Variants in PHF11 observed in about 807,000 individuals in gnomAD.
The protein encoded by PHF11 is PHD finger protein 11, also known as BRCA1 C-terminus-associated protein.
Under a neutral mutation model 40.5 loss-of-function variants are expected in PHF11, and 38 were observed. The observed-to-expected ratio is 0.94, with a 90% confidence interval of 0.72 to 1.23. The LOEUF (loss-of-function observed/expected upper bound fraction) is 1.23, where lower values mean the gene tolerates loss of function less well. Among genes scored for constraint, PHF11 ranks in the 50% most tolerant of loss-of-function variants. The probability of loss-of-function intolerance (pLI) is 0.00; values close to 1 mark genes in which losing one functional copy is unlikely to be tolerated. For missense variants in PHF11, 369 were observed against 392.4 expected (o/e 0.94, Z 0.50); for synonymous variants, 127 against 138.2 (o/e 0.92, Z 0.57).
intron 1 of PHF11, among the ~76,000 whole-genome samples, chr13:49,505,954 A>G (rs1479899152): frequency 1.3e-5 from 2 of 152,158 alleles, no homozygotes; most frequent in Non-Finnish European, 2.9e-5. Flanking sequence ...TAGATAATTA[A>G]CCAGAGCACT....
chr13:49,502,605 T>C (rs1347398451), intron 1 of PHF11, among the ~76,000 whole-genome samples: 1 of 152,240 alleles, frequency 6.6e-6, no homozygotes, highest in Non-Finnish European at 1.5e-5. Context: ...GATTGTGACC[T>C]TACTGCATGT....
chr13:49,513,668 A>G (rs1277329041), intron 3 of PHF11, among the ~76,000 whole-genome samples: 2 of 152,148 alleles, frequency 1.3e-5, no homozygotes, highest in African/African-American at 2.4e-5. Flanking sequence ...CATATACTTC[A>G]CCAGTAAAGT....
intron 9 of PHF11, among the ~76,000 whole-genome samples, chr13:49,528,083 C>T (rs9526569): frequency 0.61 from 92,761 of 151,960 alleles, 28,565 homozygotes; most frequent in East Asian, 0.8. Flanking sequence ...AACCAAAAGC[C>T]TTTATGTAAC....
At chr13:49,516,582 A>T (rs769374596) in intron 3 of PHF11, among the ~76,000 whole-genome samples, 27 of 150,874 alleles carry the variant, frequency 1.8e-4, no homozygotes, top group African/African-American at 6.4e-4. Flanking sequence ...AAATTTTTGT[A>T]TAGTAGGTTC....
At chr13:49,505,004 T>A (rs1442690324) in intron 1 of PHF11, among the ~76,000 whole-genome samples, 1 of 151,510 alleles carries the variant, frequency 6.6e-6, no homozygotes, top group East Asian at 1.9e-4. Flanking sequence ...GTTAAACAGA[T>A]GCTTGAAGGC....
chr13:49,525,785 CCAAA>C (rs966285677), intron 8 of PHF11: 23 of 456,252 alleles, frequency 5.0e-5, no homozygotes, highest in African/African-American at 1.0e-4. Context: ...CAAGCACTTC[CCAAA>C]CAGTGTGCCT....
chr13:49,500,593 G>C (rs1958886336), intron 1 of PHF11, among the ~76,000 whole-genome samples: 1 of 152,168 alleles, frequency 6.6e-6, no homozygotes, highest in African/African-American at 2.4e-5. Flanking sequence ...GATCAAAAGA[G>C]CTAGAAGAGC....
chr13:49,520,167 G>GCCT (rs1053841619), intron 4 of PHF11, among the ~76,000 whole-genome samples: 12 of 152,274 alleles, frequency 7.9e-5, no homozygotes, highest in Admixed American at 6.5e-4. Context: ...TCCTGCCTCA[G>GCCT]CCTCCTGAGT....
chr13:49,502,107 C>T (rs564296740), intron 1 of PHF11, among the ~76,000 whole-genome samples: 244 of 152,170 alleles, frequency 1.6e-3, no homozygotes, highest in African/African-American at 5.7e-3. Flanking sequence ...CGAAACCATC[C>T]TGGACAACAT....
Position 49,498,955 on chromosome 13 carries a change from G to A in PHF11, c.94+2860G>A, listed in dbSNP as rs563024420. Among the ~76,000 whole-genome samples the A allele has an allele frequency of 2.0e-3, 311 of 152,308 alleles. 2 individuals are homozygous for A. The highest frequency in any genetic ancestry group is 4.0e-3 in the Non-Finnish European group (269 of 68,022). Reference sequence around the variant, plus strand: ...AATTTGATGTAATTTAAGCATGAGGGATGCTTAGTAGTAGTAAGCAGGAAA... The same window carrying A: ...AATTTGATGTAATTTAAGCATGAGGAATGCTTAGTAGTAGTAAGCAGGAAA... On this transcript the variant is annotated intron_variant, in intron 1 of 9. Coordinates refer to ENST00000378319, the MANE Select transcript of PHF11 (RefSeq NM_001040443.3).
intron 3 of PHF11, among the ~76,000 whole-genome samples, chr13:49,514,741 G>C (rs1054662653): frequency 2.0e-5 from 3 of 146,750 alleles, no homozygotes; most frequent in Non-Finnish European, 4.5e-5. Context: ...CTGGGCAACA[G>C]AGTGAGACTC....
intron 1 of PHF11, among the ~76,000 whole-genome samples, chr13:49,501,619 G>A (rs1205847834): frequency 1.3e-5 from 2 of 152,176 alleles, no homozygotes; most frequent in Non-Finnish European, 2.9e-5. Context: ...ATGAATATAA[G>A]TTAGATTCCC....
intron 8 of PHF11, among the ~76,000 whole-genome samples, chr13:49,524,553 C>A (rs1474016723): frequency 6.6e-6 from 1 of 151,574 alleles, no homozygotes; most frequent in Non-Finnish European, 1.5e-5. Flanking sequence ...TGCCTCACTG[C>A]AGCCTCTGCC....
chr13:49,496,099 T>C lies in PHF11; in HGVS notation c.94+4T>C. On this transcript the variant is annotated splice_donor_region_variant and intron_variant, in intron 1 of 9. Transcript: ENST00000378319. The stretch of plus-strand genomic sequence containing the variant: ...GAGGCGCTCCTCCTTCCCACCGGTG[T>C]GTACCGCGGGGGCGGGCGGGCGGGC... The C allele has an allele frequency of 4.4e-6, 2 of 453,736 alleles. No homozygotes were observed. Among genetic ancestry groups the C allele is most frequent in the African/African-American group, 2.7e-5 (1 of 37,464 alleles). 28.1% of individuals were successfully genotyped at this position (453,736 alleles called of 1,614,324 possible). A position where few individuals can be genotyped will look rare whatever the true frequency, so the allele number is the denominator to read the frequency against.
chr13:49,518,973 C>T (rs1211842505), intron 4 of PHF11: 4 of 151,314 alleles, frequency 2.6e-5, no homozygotes, highest in South Asian at 2.1e-4. Flanking sequence ...GTAGCTGGGA[C>T]TACAGGCGCC....
At chr13:49,523,938 T>C (rs911794978) in intron 7 of PHF11, 147 bp from the exon 8 acceptor site, 8 of 463,192 alleles carry the variant, frequency 1.7e-5, no homozygotes, top group Non-Finnish European at 2.6e-5. Context: ...GATGAAATTA[T>C]AATTAATAAA....
At chr13:49,508,429 G>A (rs1006331589) in intron 2 of PHF11, among the ~76,000 whole-genome samples, 2 of 147,314 alleles carry the variant, frequency 1.4e-5, no homozygotes, top group Non-Finnish European at 3.0e-5. Context: ...TCCATTAACA[G>A]AGTCTGTCTC....
intron 2 of PHF11, among the ~76,000 whole-genome samples, chr13:49,512,314 C>T (rs7998078): frequency 0.083 from 12,697 of 152,262 alleles, 965 homozygotes; most frequent in African/African-American, 0.2. Flanking sequence ...TATTTTCTCC[C>T]AGTCTCTGGC....
rs747075931 is a variant in PHF11 at position 49,506,709 on chromosome 13, C to G, written c.169C>G (p.Leu57Val). 6.2e-7 allele frequency: 1 copy of G among 1,608,328 alleles called. No individual in the cohort carries two copies. Among genetic ancestry groups the G allele is most frequent in the South Asian group, 1.1e-5 (1 of 90,884 alleles). The change falls in exon 2 of 10, where the codon CTA (leucine) becomes GTA (valine). Residue 57 changes from leucine (L) to valine (V), a missense_variant. Transcript: ENST00000378319. ...CCCCAAAGATGTCGAATATAATGTC[C>G]TATACTTTGCACAATCAGAGAATAT... ...LCPKDVEYNV[L>V]YFAQSENIAA...
Sources: gnomAD v4.1 joint callset for allele counts (sites outside exome capture counted in the v4.1 genomes callset) on GRCh38, gnomAD v4.1.1 for gene constraint, MANE v1.5 for transcripts, NCBI Gene and HGNC (gene_info 2026-07-23, HGNC 2026-07-21) for gene names.